Variants in ABCA13 observed in about 807,000 individuals in gnomAD.
ABCA13 encodes the protein ATP binding cassette subfamily A member 13.
In ABCA13, 476 loss-of-function variants were observed where a neutral mutation model predicts 478.7. The ratio of observed to expected loss-of-function variants is 0.99; its 90% confidence interval spans 0.92 to 1.07. The LOEUF (loss-of-function observed/expected upper bound fraction) is 1.07, where lower values mean the gene tolerates loss of function less well. ABCA13 is among the 50% of genes least tolerant of loss of function. ABCA13 has a pLI of 0.00. For missense variants in ABCA13, 6,060 were observed against 5,910.6 expected, an observed-to-expected ratio of 1.03 and a Z score of -0.83; for synonymous variants, 2,252 against 2,158.9, an observed-to-expected ratio of 1.04 and a Z score of -1.20.
intron 29 of ABCA13, among the ~76,000 whole-genome samples, chr7:48,340,564 G>A (rs1343893182): frequency 1.3e-5 from 2 of 151,990 alleles, no homozygotes; most frequent in Non-Finnish European, 2.9e-5. Flanking sequence ...TTCTTTTTTA[G>A]GTGAATTTAT....
chr7:48,443,322 A>T (rs1823875165), intron 42 of ABCA13, among the ~76,000 whole-genome samples: 1 of 152,162 alleles, frequency 6.6e-6, no homozygotes, highest in Non-Finnish European at 1.5e-5. Flanking sequence ...CGGCTGGTTG[A>T]TTCCTCAGGC....
At chr7:48,201,306 A>C (rs1312834773) in intron 3 of ABCA13, among the ~76,000 whole-genome samples, 1 of 152,200 alleles carries the variant, frequency 6.6e-6, no homozygotes, top group Non-Finnish European at 1.5e-5. Flanking sequence ...ATGTTTGATT[A>C]TACTCCACTG....
chr7:48,317,140 C>A lies in ABCA13; in HGVS notation c.9860-17C>A. On this transcript the variant is annotated splice_polypyrimidine_tract_variant and intron_variant, in intron 26 of 61. Coordinates refer to ENST00000435803, the MANE Select transcript of ABCA13 (RefSeq NM_152701.5). Reference sequence around the variant, plus strand: ...GTGTATCATTAGCAACTTTTTTTTTCTTTCTAATTGCAACAGCACCGTTTT... The same window carrying A: ...GTGTATCATTAGCAACTTTTTTTTTATTTCTAATTGCAACAGCACCGTTTT... The A allele has an allele frequency of 6.3e-7, 1 of 1,590,468 alleles. No individual in the cohort carries two copies. The highest frequency in any genetic ancestry group is 8.5e-7 in the Non-Finnish European group (1 of 1,173,062).
At position 48,340,073 on chromosome 7, in the gene ABCA13, T is replaced by G. The variant is rs77388633; in HGVS notation, c.10204+1618T>G. Among the ~76,000 whole-genome samples, 932 of 152,292 alleles carry G rather than the reference T, an allele frequency of 6.1e-3. 10 individuals are homozygous for G. Among genetic ancestry groups the G allele is most frequent in the African/African-American group, 0.021 (881 of 41,530 alleles). On this transcript the variant is annotated intron_variant, in intron 29 of 61. Transcript: ENST00000435803. ...ACTTTTGGGAATATTTGCCCAATCA[T>G]GCTGTCATTTTTATTCATTATATAA...
intron 57 of ABCA13, among the ~76,000 whole-genome samples, chr7:48,591,352 G>A (rs1191983214): frequency 3.9e-5 from 6 of 151,902 alleles, no homozygotes; most frequent in Non-Finnish European, 7.4e-5. Context: ...TTTTATACAA[G>A]TACCATACTT....
chr7:48,187,049 A>G lies in ABCA13; in HGVS notation c.70-5910A>G, dbSNP rs557417745. 6.0e-5 allele frequency among the ~76,000 whole-genome samples: 9 copies of G among 148,770 alleles called. No individual in the cohort carries two copies. In the South Asian group the frequency reaches 1.9e-3, roughly 31 times the overall value. On this transcript the variant is annotated intron_variant, in intron 1 of 61. Transcript: ENST00000435803. ...TATATATATATATCAGTGTATACAT[A>G]TATATATCAGTCCCTGTCTCTCTAT...
At chr7:48,577,116 G>A (rs1423614586) in intron 55 of ABCA13, among the ~76,000 whole-genome samples, 1 of 152,084 alleles carries the variant, frequency 6.6e-6, no homozygotes, top group Non-Finnish European at 1.5e-5. Flanking sequence ...TGATGCATCT[G>A]TTAGAAAAGA....
At chr7:48,602,966 T>C in intron 58 of ABCA13, among the ~76,000 whole-genome samples, 1 of 152,308 alleles carries the variant, frequency 6.6e-6, no homozygotes, top group Non-Finnish European at 1.5e-5. Context: ...GTTGTATTCC[T>C]ATGAATTTTA....
chr7:48,211,456 C>T (rs1378984371), intron 3 of ABCA13, among the ~76,000 whole-genome samples: 1 of 152,194 alleles, frequency 6.6e-6, no homozygotes, highest in East Asian at 1.9e-4. Context: ...TTGCTCTCTT[C>T]CTTCTGTTTC....
intron 51 of ABCA13, among the ~76,000 whole-genome samples, chr7:48,515,466 G>A (rs1223027732): frequency 6.6e-6 from 1 of 152,148 alleles, no homozygotes. Context: ...AGGGACATTT[G>A]GGTGGTATCT....
At chr7:48,388,938 G>C (rs1415402944) in intron 36 of ABCA13, 102 bp from the exon 37 acceptor site, 25 of 1,350,188 alleles carry the variant, frequency 1.9e-5, no homozygotes, top group Non-Finnish European at 2.5e-5. Context: ...GCTTCACAGA[G>C]CTGGAATTCA....
intron 41 of ABCA13, among the ~76,000 whole-genome samples, chr7:48,419,236 A>G (rs946284616): frequency 6.6e-6 from 1 of 152,228 alleles, no homozygotes; most frequent in African/African-American, 2.4e-5. Flanking sequence ...TTGGGTGACG[A>G]CACAGATCCA....
intron 51 of ABCA13, among the ~76,000 whole-genome samples, chr7:48,516,502 T>C (rs1832123170): frequency 6.6e-6 from 1 of 152,150 alleles, no homozygotes; most frequent in Admixed American, 6.5e-5. Flanking sequence ...CTGTAATTGT[T>C]CTATTTTATA....
At chr7:48,357,317 C>T (rs73323779) in intron 31 of ABCA13, among the ~76,000 whole-genome samples, 2,456 of 152,032 alleles carry the variant, frequency 0.016, 111 homozygotes, top group African/African-American at 0.057. Context: ...TTGTTCTCAG[C>T]AGAAATTCCC....
intron 59 of ABCA13, among the ~76,000 whole-genome samples, chr7:48,631,895 A>C (rs1436518507): frequency 1.3e-5 from 2 of 152,050 alleles, no homozygotes; most frequent in Non-Finnish European, 2.9e-5. Context: ...TCCCTGGCTA[A>C]GTATATTCCT....
chr7:48,444,671 T>C (rs1824050205), intron 42 of ABCA13, among the ~76,000 whole-genome samples: 1 of 152,136 alleles, frequency 6.6e-6, no homozygotes, highest in Non-Finnish European at 1.5e-5. Flanking sequence ...GAGGTTTCCT[T>C]GTTCCCATAC....
intron 42 of ABCA13, among the ~76,000 whole-genome samples, chr7:48,449,801 C>A (rs940671595): frequency 6.6e-6 from 1 of 152,214 alleles, no homozygotes; most frequent in African/African-American, 2.4e-5. Context: ...AAATAGTCCT[C>A]ATACCATTTC....
chr7:48,217,731 C>T (rs189488291), intron 3 of ABCA13, among the ~76,000 whole-genome samples: 1 of 152,170 alleles, frequency 6.6e-6, no homozygotes, highest in Non-Finnish European at 1.5e-5. Context: ...TCTCTAGGTG[C>T]AGCATTGGTT....
At chr7:48,500,249 G>A (rs759536125) in intron 48 of ABCA13, among the ~76,000 whole-genome samples, 8 of 152,072 alleles carry the variant, frequency 5.3e-5, no homozygotes, top group Admixed American at 2.0e-4. Context: ...GCTTTCTAAC[G>A]TTTTACAATT....
Sources: gnomAD v4.1 joint callset for allele counts (sites outside exome capture counted in the v4.1 genomes callset) on GRCh38, gnomAD v4.1.1 for gene constraint, MANE v1.5 for transcripts, NCBI Gene and HGNC (gene_info 2026-07-23, HGNC 2026-07-21) for gene names.